The following MED12 variants were observed in gnomAD, a reference collection of about 807,000 sequenced individuals.
MED12 encodes mediator of RNA polymerase II transcription subunit 12.
MED12 carries 10 observed loss-of-function variants against 177.7 expected under a neutral mutation model. That is an observed-to-expected ratio of 0.06 (90% CI 0.03 to 0.10). The LOEUF (loss-of-function observed/expected upper bound fraction) is 0.10, where lower values mean the gene tolerates loss of function less well. MED12 is among the 10% of genes least tolerant of loss of function. MED12 has a pLI of 1.00. For missense variants in MED12, 867 were observed against 1,780.8 expected, an observed-to-expected ratio of 0.49 and a Z score of 9.23; for synonymous variants, 641 against 678.4, an observed-to-expected ratio of 0.94 and a Z score of 0.86.
rs753307215 is a variant in MED12, at chrX:71,124,771, G to T, written c.1982G>T (p.Gly661Val). The T allele has an allele frequency of 4.1e-6, 5 of 1,208,775 alleles. No individual in the cohort carries two copies. Among genetic ancestry groups the T allele is most frequent in the Non-Finnish European group, 5.6e-6 (5 of 893,182 alleles). ...GSSSSKLEDP[G>V]LSESMDIDPS... ...TATGTTCTATGCCCTCAGGATCCAG[G>T]GCTCTCAGAATCTATGGACATTGAC... The change falls in exon 14 of 45, where the codon GGG (glycine) becomes GTG (valine). Residue 661 changes from glycine to valine, a missense_variant. By Grantham distance (109) the Gly-to-Val change is moderately radical. Around this residue, in one of 14 missense-constraint regions of MED12, gnomAD observed 309 missense variants for 556.3 expected, o/e 0.56. Transcript: ENST00000374080.
In MED12 at chrX:71,127,426, C is replaced by T. The variant is rs1198554139; in HGVS notation, c.2940C>T (p.Thr980=). 8.3e-7 allele frequency: 1 copy of T among 1,205,288 alleles called. No homozygotes were observed. The highest frequency in any genetic ancestry group is 2.2e-5 in the Admixed American group (1 of 45,739). ...CILAYLYDLY[T]SCSHLKNKFG... is the part of the protein sequence containing the mutation. ...TTGCTTATCTCTATGATCTGTACAC[C>T]TCCTGTAGCCATTTAAAGAACAAAT... The change falls in exon 21 of 45, where the codon ACC becomes ACT. Residue 980 remains threonine, a synonymous_variant. Transcript: ENST00000374080.
At position 71,137,363 on chromosome X, in the gene MED12, C is replaced by T. The variant is rs773945032; in HGVS notation, c.5728C>T (p.Arg1910Cys). 1.7e-6 allele frequency: 2 copies of T among 1,211,318 alleles called. No individual in the cohort carries two copies. The highest frequency in any genetic ancestry group is 2.2e-6 in the Non-Finnish European group (2 of 895,365). ...QQQPAVPQGQRLRQQLQQSQG... is the reference protein window; with the variant it reads ...QQQPAVPQGQCLRQQLQQSQG... Reference sequence around the variant, plus strand: ...GCAACCTGCGGTGCCCCAAGGACAGCGCCTTCGCCAACAGCTCCAGGCAAA... The same window carrying T: ...GCAACCTGCGGTGCCCCAAGGACAGTGCCTTCGCCAACAGCTCCAGGCAAA... Residue 1910 changes from arginine to cysteine, a missense_variant, in exon 39 of 45, where the codon CGC becomes TGC. Physicochemically the swap from Arg to Cys is radical, Grantham distance 180. Coordinates refer to ENST00000374080, the MANE Select transcript of MED12 (RefSeq NM_005120.3).
At position 71,119,778 on chromosome X, in the gene MED12, G is replaced by A. The variant is rs970455973; in HGVS notation, c.297G>A (p.Lys99=). 8.3e-7 allele frequency: 1 copy of A among 1,211,299 alleles called. No individual in the cohort carries two copies. Among genetic ancestry groups the A allele is most frequent in the Non-Finnish European group, 1.1e-6 (1 of 895,205 alleles). ...GCAGGAAGCCCCAAGTGAACCAGAA[G>A]GATAACTTCTGGCTGGTGACTGCAC... is the stretch of plus-strand genomic sequence containing the variant. ...TGRRKPQVNQ[K]DNFWLVTARS... Residue 99 remains lysine, a synonymous_variant, in exon 3 of 45, where the codon AAG becomes AAA. Coordinates refer to ENST00000374080, the MANE Select transcript of MED12 (RefSeq NM_005120.3).
intron 14 of MED12, 53 bp downstream of exon 14, chrX:71,124,897 T>G: frequency 8.4e-7 from 1 of 1,185,454 alleles, no homozygotes; most frequent in Admixed American, 2.2e-5. Flanking sequence ...CTTCCCATTA[T>G]GCCTGCTTTT....
intron 33 of MED12, 31 bp from the exon 34 acceptor site, chrX:71,134,326 C>T (rs2147820496): frequency 2.3e-6 from 2 of 875,324 alleles, no homozygotes; most frequent in Non-Finnish European, 3.3e-6. Context: ...TGTCCCTGAG[C>T]CATCTGACTG....
At chrX:71,121,531 A>G (rs763218462) in intron 6 of MED12, 31 bp from the exon 7 acceptor site, 3 of 1,211,013 alleles carry the variant, frequency 2.5e-6, no homozygotes, top group Non-Finnish European at 2.2e-6. Flanking sequence ...CCTGGAGAGA[A>G]CTAGGGGCTC....
rs1187353122 is a variant in MED12 at position 71,136,648 on chromosome X, A to G, written c.5393A>G (p.Lys1798Arg). The change falls in exon 37 of 45, where the codon AAG (lysine) becomes AGG (arginine). Residue 1798 changes from lysine to arginine, a missense_variant. Transcript: ENST00000374080. ...KGKKRSQPAT[K>R]TEDYGMGPGR... ...AAGAAACGCAGCCAGCCAGCTACCAAGACAGAGGTGAGCGCCTCCCCCGTG... is the reference window on the plus strand; with the variant it reads ...AAGAAACGCAGCCAGCCAGCTACCAGGACAGAGGTGAGCGCCTCCCCCGTG... 1 of 1,208,378 alleles carries G rather than the reference A, an allele frequency of 8.3e-7. No individual in the cohort carries two copies. Among genetic ancestry groups the G allele is most frequent in the Admixed American group, 2.2e-5 (1 of 45,945 alleles).
intron 33 of MED12, among the ~76,000 whole-genome samples, chrX:71,133,730 G>A (rs909577142): frequency 2.7e-5 from 3 of 110,985 alleles, no homozygotes; most frequent in Non-Finnish European, 3.8e-5. Context: ...AATAGGTTAT[G>A]TACCCTGGAT....
intron 3 of MED12, 38 bp from the exon 4 acceptor site, chrX:71,119,976 G>A (rs750581506): frequency 1.6e-5 from 19 of 1,209,291 alleles, no homozygotes; most frequent in Non-Finnish European, 1.8e-5. Flanking sequence ...CAGCTCATGG[G>A]GATAATAGAG....
Position 71,129,142 on chromosome X carries a change from G to T in MED12, c.3504G>T (p.Gly1168=). ...AACSEQDSEP[G]ARLTCRILLH... ...GTAGTGAACAGGACTCTGAGCCAGG[G>T]GCCCGGCTTACCTGCCGCATCCTCC... Residue 1168 remains glycine, a synonymous_variant, in exon 25 of 45, where the codon GGG becomes GGT. Coordinates refer to ENST00000374080, the MANE Select transcript of MED12 (RefSeq NM_005120.3). 8.3e-7 allele frequency: 1 copy of T among 1,210,405 alleles called. No individual in the cohort carries two copies. The highest frequency in any genetic ancestry group is 3.0e-5 in the East Asian group (1 of 33,841).
chrX:71,130,337 G>A, intron 28 of MED12, 123 bp downstream of exon 28: 1 of 734,120 alleles, frequency 1.4e-6, no homozygotes, highest in East Asian at 3.5e-5. Flanking sequence ...GGATATAGGG[G>A]AGGGGAGAGG....
chrX:71,123,896 A>G (rs2092296161), intron 12 of MED12, among the ~76,000 whole-genome samples, 176 bp downstream of exon 12: 1 of 112,723 alleles, frequency 8.9e-6, no homozygotes, highest in African/African-American at 3.2e-5. Flanking sequence ...ACAGTTAAAC[A>G]GAGTAGAGAA....
chrX:71,142,267 T>G lies in MED12; in HGVS notation c.*49T>G. ...CACTGGATGTGGCCCCACCCTTTCC[T>G]CTTAATTCCCAATCCCATTCCTGGG... is the stretch of plus-strand genomic sequence containing the variant. On this transcript the variant is annotated 3_prime_UTR_variant, in exon 45 of 45. Transcript: ENST00000374080. The G allele has an allele frequency of 3.4e-6, 4 of 1,160,760 alleles. No homozygotes were observed. Among genetic ancestry groups the G allele is most frequent in the Non-Finnish European group, 4.7e-6 (4 of 849,008 alleles).
At position 71,124,863 on chromosome X, in the gene MED12, G is replaced by A. The variant is rs373450304; in HGVS notation, c.2055+19G>A. On this transcript the variant is annotated intron_variant, in intron 14 of 44. Transcript: ENST00000374080. ...TTTCTCAGTAAGTTCAATCCTGAGC[G>A]TGGCAGAATCTGGATCCTTGGATCT... 6.2e-5 allele frequency: 74 copies of A among 1,192,780 alleles called. No individual in the cohort carries two copies. The African/African-American group carries it at 9.0e-4, about 14-fold the overall frequency.
At chrX:71,137,116 T>A in intron 38 of MED12, 71 bp from the exon 39 acceptor site, 1 of 1,194,449 alleles carries the variant, frequency 8.4e-7, no homozygotes, top group Non-Finnish European at 1.1e-6. Flanking sequence ...TGAGGAGCTA[T>A]GGATGTCAAG....
intron 27 of MED12, 21 bp from the exon 28 acceptor site, chrX:71,130,014 C>T (rs926671026): frequency 5.0e-6 from 6 of 1,205,283 alleles, no homozygotes; most frequent in Non-Finnish European, 6.7e-6. Context: ...GTTCCCAGTC[C>T]CTGATTGTCA....
At chrX:71,124,025 C>A in intron 12 of MED12, 134 bp from the exon 13 acceptor site, 1 of 589,956 alleles carries the variant, frequency 1.7e-6, no homozygotes, top group Non-Finnish European at 2.8e-6. Flanking sequence ...GGGTAACCAA[C>A]CACACTTTGT....
chrX:71,136,751 G>A lies in MED12; in HGVS notation c.5400+96G>A. The A allele has an allele frequency of 1.7e-6, 2 of 1,178,666 alleles. 1 individual carries two copies. The highest frequency in any genetic ancestry group is 3.7e-5 in the South Asian group (2 of 54,649). Reference sequence around the variant, plus strand: ...GAGGGGTGGGGGCGCATAAGGAAGGGGTGCCATTAGAATCATAATAAAAAT... The same window carrying A: ...GAGGGGTGGGGGCGCATAAGGAAGGAGTGCCATTAGAATCATAATAAAAAT... On this transcript the variant is annotated intron_variant, in intron 37 of 44. Coordinates refer to ENST00000374080, the MANE Select transcript of MED12 (RefSeq NM_005120.3).
At chrX:71,128,186 C>A (rs1345659222) in intron 22 of MED12, 66 bp downstream of exon 22, 1 of 1,186,659 alleles carries the variant, frequency 8.4e-7, no homozygotes, top group Non-Finnish European at 1.1e-6. Context: ...GCTGAGGTAC[C>A]CGGGAGGTAC....
Sources: gnomAD v4.1 joint callset for allele counts (sites outside exome capture counted in the v4.1 genomes callset) on GRCh38, gnomAD v4.1.1 for gene constraint, gnomAD v4.1.1 regional missense constraint, MANE v1.5 for transcripts, NCBI Gene and HGNC (gene_info 2026-07-23, HGNC 2026-07-21) for gene names.